The following DOK6 variants were observed in gnomAD, a reference collection of about 807,000 sequenced individuals.
DOK6 encodes the protein downstream of tyrosine kinase 6.
DOK6 carries 22 observed loss-of-function variants against 44.0 expected under a neutral mutation model. The observed-to-expected ratio is 0.50, with a 90% CI of 0.36 to 0.71. The LOEUF is 0.71. DOK6 is among the 30% of genes least tolerant of loss of function. The pLI, the probability that DOK6 is intolerant of heterozygous loss-of-function variation, is 0.00. For synonymous variants in DOK6, 166 were observed against 145.5 expected (o/e 1.14, Z -1.01); for missense variants, 340 against 416.4 (o/e 0.82, Z 1.60).
intron 4 of DOK6, among the ~76,000 whole-genome samples, chr18:69,682,301 A>G (rs1449870156): frequency 6.6e-6 from 1 of 152,208 alleles, no homozygotes. Flanking sequence ...AAGTGCATCA[A>G]TTCATGTTTT....
At chr18:69,603,397 A>G (rs1335479761) in intron 3 of DOK6, among the ~76,000 whole-genome samples, 1 of 152,178 alleles carries the variant, frequency 6.6e-6, no homozygotes, top group Non-Finnish European at 1.5e-5. Context: ...TCTATAGATC[A>G]TGTAAAACCT....
At chr18:69,488,725 A>G (rs1980653690) in intron 1 of DOK6, among the ~76,000 whole-genome samples, 2 of 152,162 alleles carry the variant, frequency 1.3e-5, no homozygotes, top group African/African-American at 2.4e-5. Context: ...ACCTGCCTCC[A>G]TGATTCAATT....
At chr18:69,770,411 C>T (rs1316259883) in intron 7 of DOK6, among the ~76,000 whole-genome samples, 3 of 152,070 alleles carry the variant, frequency 2.0e-5, no homozygotes, top group Admixed American at 2.0e-4. Context: ...TAATCTCTAC[C>T]CTTCTGCCCA....
At chr18:69,676,066 G>A (rs1282765097) in intron 3 of DOK6, among the ~76,000 whole-genome samples, 1 of 152,188 alleles carries the variant, frequency 6.6e-6, no homozygotes, top group Non-Finnish European at 1.5e-5. Context: ...CCAGGCCTCT[G>A]ACTCCACTCA....
chr18:69,455,403 G>C (rs996057074), intron 1 of DOK6, among the ~76,000 whole-genome samples: 1 of 152,074 alleles, frequency 6.6e-6, no homozygotes, highest in African/African-American at 2.4e-5. Context: ...TTTCATACAC[G>C]GAGAGTCTGT....
chr18:69,662,471 T>C (rs1264662140), intron 3 of DOK6: 1 of 152,250 alleles, frequency 6.6e-6, no homozygotes. Context: ...GTTTTTCTTT[T>C]ACTCTAACTA....
intron 3 of DOK6, among the ~76,000 whole-genome samples, chr18:69,663,872 AG>A (rs1313899397): frequency 3.3e-5 from 5 of 152,176 alleles, no homozygotes; most frequent in Admixed American, 3.3e-4. Flanking sequence ...GTAGCTTTAG[AG>A]GGCTCCAAAC....
rs977431383 is a variant in DOK6 at position 69,783,483 on chromosome 18, A to G, written c.856+25610A>G. Among the ~76,000 whole-genome samples, 3 of 152,260 alleles carry G rather than the reference A, an allele frequency of 2.0e-5. No homozygotes were observed. The South Asian group carries it at 6.2e-4, about 32-fold the overall frequency. ...TTTAATGTAGCTACTAGTAAATTTA[A>G]CGTTACATTGGTGTTTTATATACTA... On this transcript the variant is annotated intron_variant, in intron 7 of 7. Coordinates refer to ENST00000382713, the MANE Select transcript of DOK6 (RefSeq NM_152721.6).
chr18:69,764,724 C>T (rs1979666281), intron 7 of DOK6, among the ~76,000 whole-genome samples: 1 of 152,174 alleles, frequency 6.6e-6, no homozygotes, highest in Non-Finnish European at 1.5e-5. Context: ...ATGATAATCC[C>T]TTATTTTCAC....
intron 6 of DOK6, among the ~76,000 whole-genome samples, chr18:69,752,821 G>C (rs1395313488): frequency 6.6e-6 from 1 of 152,114 alleles, no homozygotes; most frequent in Non-Finnish European, 1.5e-5. Flanking sequence ...TGGTCCCCTG[G>C]TCCCACGGGG....
chr18:69,427,817 A>G (rs1978684680), intron 1 of DOK6, among the ~76,000 whole-genome samples: 1 of 149,114 alleles, frequency 6.7e-6, no homozygotes, highest in Non-Finnish European at 1.5e-5. Context: ...CACTCTTCTC[A>G]CCCAGGCCGG....
chr18:69,482,073 T>C (rs1243021962), intron 1 of DOK6, among the ~76,000 whole-genome samples: 1 of 152,218 alleles, frequency 6.6e-6, no homozygotes, highest in African/African-American at 2.4e-5. Context: ...TGGGGTTGTT[T>C]GTTTTTTTCT....
At chr18:69,711,208 C>T (rs1381953125) in intron 5 of DOK6, among the ~76,000 whole-genome samples, 1 of 152,202 alleles carries the variant, frequency 6.6e-6, no homozygotes, top group Non-Finnish European at 1.5e-5. Context: ...CCATGATATG[C>T]TTTCCCTCAG....
At chr18:69,473,745 TCAAC>T (rs1980182111) in intron 1 of DOK6, among the ~76,000 whole-genome samples, 2 of 152,202 alleles carry the variant, frequency 1.3e-5, no homozygotes, top group Admixed American at 1.3e-4. Context: ...ATGTTCTTTC[TCAAC>T]CAAATAATCT....
chr18:69,714,573 GCT>G (rs1487446033), intron 5 of DOK6, among the ~76,000 whole-genome samples: 1 of 152,088 alleles, frequency 6.6e-6, no homozygotes, highest in Non-Finnish European at 1.5e-5. Flanking sequence ...CAGAAATTAT[GCT>G]CTGTTAATGT....
At chr18:69,756,993 G>T (rs190653888) in intron 6 of DOK6, among the ~76,000 whole-genome samples, 12 of 152,302 alleles carry the variant, frequency 7.9e-5, no homozygotes, top group African/African-American at 2.6e-4. Context: ...AATTATTTCT[G>T]CATTAATAAA....
At chr18:69,700,788 C>A (rs1412059999) in intron 5 of DOK6, among the ~76,000 whole-genome samples, 1 of 152,040 alleles carries the variant, frequency 6.6e-6, no homozygotes, top group Non-Finnish European at 1.5e-5. Context: ...ACATTGTGTT[C>A]CCTGGGTCTG....
chr18:69,619,491 G>A (rs1984390266), intron 3 of DOK6, among the ~76,000 whole-genome samples: 1 of 152,088 alleles, frequency 6.6e-6, no homozygotes, highest in Non-Finnish European at 1.5e-5. Context: ...ATTCACCTTC[G>A]GCACTACATG....
At chr18:69,834,746 A>G (rs1450256554) in intron 7 of DOK6, among the ~76,000 whole-genome samples, 2 of 152,194 alleles carry the variant, frequency 1.3e-5, no homozygotes, top group African/African-American at 2.4e-5. Context: ...GGTTGCTTCT[A>G]CTTACATCTG....
Sources: gnomAD v4.1 joint callset for allele counts (sites outside exome capture counted in the v4.1 genomes callset) on GRCh38, gnomAD v4.1.1 for gene constraint, MANE v1.5 for transcripts, NCBI Gene and HGNC (gene_info 2026-07-23, HGNC 2026-07-21) for gene names.